The following ADH1B variants were observed in gnomAD, a reference collection of about 807,000 sequenced individuals.
ADH1B encodes alcohol dehydrogenase 1B (class I), beta polypeptide.
Under a neutral mutation model 34.6 loss-of-function variants are expected in ADH1B, and 29 were observed. That is an observed-to-expected ratio of 0.84 (90% confidence interval 0.62 to 1.14). The LOEUF is 1.14. Ranked by LOEUF, ADH1B falls within the 50% of genes most tolerant of loss-of-function variation. ADH1B has a pLI of 0.00. For synonymous variants in ADH1B, 170 were observed against 175.5 expected, an observed-to-expected ratio of 0.97 and a Z score of 0.25; for missense variants, 424 against 468.4, an observed-to-expected ratio of 0.91 and a Z score of 0.87.
chr4:99,317,821 A>G, intron 3 of ADH1B: 2 of 608,954 alleles, frequency 3.3e-6, no homozygotes, highest in East Asian at 3.2e-5. Flanking sequence ...CCTGGCTTCT[A>G]GTAGATACTC....
In ADH1B at chr4:99,313,997, C is replaced by G. The variant is rs367812131; in HGVS notation, c.652G>C (p.Ala218Pro). 1.2e-6 allele frequency: 2 copies of G among 1,614,108 alleles called. No individual in the cohort carries two copies. Among genetic ancestry groups the G allele is most frequent in the Non-Finnish European group, 1.7e-6 (2 of 1,180,042 alleles). Residue 218 changes from alanine to proline, a missense_variant, in exon 6 of 9, where the codon GCC becomes CCC. Physicochemically the swap from Ala to Pro is conservative, Grantham distance 27. Around this residue, in one of 3 missense-constraint regions of ADH1B, gnomAD observed 291 missense variants for 300.4 expected, o/e 0.97. Transcript: ENST00000305046. ...AVMGCKAAGAARIIAVDINKD... is the reference protein window; with the variant it reads ...AVMGCKAAGAPRIIAVDINKD... Reference sequence around the variant, plus strand: ...TTGATGTCCACCGCAATGATTCTGGCTGCTCCAGCTGCTTTACAGCCCATA... The same window carrying G: ...TTGATGTCCACCGCAATGATTCTGGGTGCTCCAGCTGCTTTACAGCCCATA...
rs1679460995 is a variant in ADH1B, at chr4:99,305,071, C to T, written c.*2769G>A. ...TTTAGTTTCCTCTTCCACGAATTTC[C>T]ATCATTGTTCATTTTCCTCTTTGGT... On this transcript the variant is annotated 3_prime_UTR_variant, in exon 9 of 9. Coordinates refer to ENST00000305046, the MANE Select transcript of ADH1B (RefSeq NM_000668.6). 1 of 151,868 alleles carries T rather than the reference C, an allele frequency of 6.6e-6. No homozygotes were observed. The highest frequency in any genetic ancestry group is 2.4e-5 in the African/African-American group (1 of 41,350). The allele number at this position is 151,868 out of a possible 1,614,324, so 9.4% of individuals were successfully genotyped here.
At position 99,320,677 on chromosome 4, in the gene ADH1B, A is replaced by G. The variant is rs563486452; in HGVS notation, c.18+637T>C. 1.3e-3 allele frequency: 570 copies of G among 446,226 alleles called. 1 individual carries two copies. Among genetic ancestry groups the G allele is most frequent in the Admixed American group, 2.2e-3 (40 of 18,410 alleles). The allele number at this position is 446,226 out of a possible 1,614,324, so 27.6% of individuals were successfully genotyped here. A position where few individuals can be genotyped will look rare whatever the true frequency, so the allele number is the denominator to read the frequency against. On this transcript the variant is annotated intron_variant, in intron 1 of 8. Coordinates refer to ENST00000305046, the MANE Select transcript of ADH1B (RefSeq NM_000668.6). ...TGTATCATTGATTTTCTGTAAAACC[A>G]TATTAACTTTTAAATGGGGAAGATA...
chr4:99,319,740 G>A (rs948812100), intron 1 of ADH1B: 2 of 152,112 alleles, frequency 1.3e-5, no homozygotes, highest in East Asian at 1.9e-4. Context: ...ACCCATCTTC[G>A]TTGTGGTAAA....
chr4:99,306,635 G>A lies in ADH1B; in HGVS notation c.*1205C>T, dbSNP rs1733616819. 6.6e-6 allele frequency: 1 copy of A among 151,964 alleles called. No individual in the cohort carries two copies. Among genetic ancestry groups the A allele is most frequent in the South Asian group, 2.1e-4 (1 of 4,822 alleles). 9.4% of individuals were successfully genotyped at this position (151,964 alleles called of 1,614,324 possible). ...ATAATCTTTGCATGTCACATTTAGA[G>A]ATAAAGCTCAAAATGCAAATCCTTC... On this transcript the variant is annotated 3_prime_UTR_variant, in exon 9 of 9. Transcript: ENST00000305046.
rs1560524832 is a variant in ADH1B, at chr4:99,306,298, GCCACCCC to G, written c.*1535_*1541del. 6.6e-6 allele frequency: 1 copy of G among 151,992 alleles called. No homozygotes were observed. 9.4% of individuals were successfully genotyped at this position (151,992 alleles called of 1,614,324 possible). A position where few individuals can be genotyped will look rare whatever the true frequency, so the allele number is the denominator to read the frequency against. On this transcript the variant is annotated 3_prime_UTR_variant, in exon 9 of 9. Transcript: ENST00000305046. ...TGGGATTACAGGGATAAGCCACTGC[GCCACCCC>G]CCACCCCGCTTTAGCATTTTTGACA...
intron 5 of ADH1B, 131 bp downstream of exon 5, chr4:99,315,767 G>C: frequency 2.7e-6 from 3 of 1,113,684 alleles, no homozygotes; most frequent in Non-Finnish European, 3.9e-6. Context: ...ATTCTTTCTG[G>C]GCCATTTTTC....
intron 6 of ADH1B, chr4:99,313,451 C>A: frequency 1.4e-5 from 3 of 212,516 alleles, no homozygotes; most frequent in Admixed American, 5.4e-5. Context: ...ATTGTTAAAC[C>A]ATTTTTGTTA....
At position 99,311,563 on chromosome 4, in the gene ADH1B, G is replaced by C; in HGVS notation, c.922C>G (p.Leu308Val). The change falls in exon 7 of 9, where the codon CTG becomes GTG. Residue 308 changes from leucine to valine, a missense_variant. Coordinates refer to ENST00000305046, the MANE Select transcript of ADH1B (RefSeq NM_000668.6). ...TTCCAGGTGCGTCCAGTCAGTAGCA[G>C]CATAGGGTTTATTGAGAGGTTCTGG... ...ASQNLSINPM[L>V]LLTGRTWKGA... is the part of the protein sequence containing the mutation. The C allele has an allele frequency of 6.2e-7, 1 of 1,614,072 alleles. No homozygotes were observed.
rs1469413675 is a variant in ADH1B at position 99,306,842 on chromosome 4, T to C, written c.*998A>G. ...AATTTTGCAAAAATATACATTTGTA[T>C]ATGTGTATATATGTATGTGTATATA... On this transcript the variant is annotated 3_prime_UTR_variant, in exon 9 of 9. Transcript: ENST00000305046. 1 of 152,236 alleles carries C rather than the reference T, an allele frequency of 6.6e-6. No individual in the cohort carries two copies. Among genetic ancestry groups the C allele is most frequent in the Non-Finnish European group, 1.5e-5 (1 of 68,036 alleles). 9.4% of individuals were successfully genotyped at this position (152,236 alleles called of 1,614,324 possible).
Position 99,318,814 on chromosome 4 carries a change from G to A in ADH1B, c.91C>T (p.Pro31Ser), listed in dbSNP as rs775325816. The change falls in exon 2 of 9, where the codon CCT becomes TCT. Residue 31 changes from proline to serine, a missense_variant. This residue lies in a region of ADH1B where 291 missense variants were observed against 300.4 expected (regional missense o/e 0.97). Transcript: ENST00000305046. ...ATGCGAACTTCATAAGCCTTAGGAGGTGCAACCTCCACATCCTCAATGGAA... is the reference window on the plus strand; with the variant it reads ...ATGCGAACTTCATAAGCCTTAGGAGATGCAACCTCCACATCCTCAATGGAA... ...PFSIEDVEVA[P>S]PKAYEVRIKM... 1 of 1,613,784 alleles carries A rather than the reference G, an allele frequency of 6.2e-7. No homozygotes were observed.
chr4:99,319,524 A>T (rs535077905), intron 1 of ADH1B: 3 of 158,502 alleles, frequency 1.9e-5, no homozygotes, highest in Non-Finnish European at 4.2e-5. Flanking sequence ...CTTTCAGCTT[A>T]GATTTGAGCC....
rs1271859106 is a variant in ADH1B at position 99,305,551 on chromosome 4, G to C, written c.*2289C>G. 1.3e-5 allele frequency: 1 copy of C among 75,322 alleles called. No individual in the cohort carries two copies. The highest frequency in any genetic ancestry group is 6.5e-5 in the African/African-American group (1 of 15,360). The allele number at this position is 75,322 out of a possible 1,614,324, so 4.7% of individuals were successfully genotyped here. The stretch of plus-strand genomic sequence containing the variant: ...AATCACTTAACTATATGAACCACTT[G>C]CCCCATAGTGTATATATATATATAT... On this transcript the variant is annotated 3_prime_UTR_variant, in exon 9 of 9. Transcript: ENST00000305046.
chr4:99,317,835 A>T, intron 3 of ADH1B: 1 of 699,874 alleles, frequency 1.4e-6, no homozygotes, highest in Non-Finnish European at 2.3e-6. Flanking sequence ...GATACTCGGT[A>T]CATAATGGTT....
chr4:99,311,375 T>A (rs2110631287), intron 7 of ADH1B, 146 bp downstream of exon 7: 1 of 1,041,218 alleles, frequency 9.6e-7, no homozygotes, highest in East Asian at 2.6e-5. Flanking sequence ...AGACTGTAGA[T>A]AGAAAAGGAA....
In ADH1B at chr4:99,316,042, G is replaced by A. The variant is rs372727625; in HGVS notation, c.423C>T (p.Phe141=). The A allele has an allele frequency of 1.1e-5, 17 of 1,614,076 alleles. No individual in the cohort carries two copies. The African/African-American group carries it at 2.1e-4, about 20-fold the overall frequency. The change falls in exon 5 of 9, where the codon TTC becomes TTT. Residue 141 remains phenylalanine (F), a synonymous_variant. Coordinates refer to ENST00000305046, the MANE Select transcript of ADH1B (RefSeq NM_000668.6). ...FTCRGKPIHH[F]LGTSTFSQYT... ...ACTGGGAGAAGGTGCTGGTGCCAAG[G>A]AAGTGGTGAATGGGCTTCCCCCTGC...
At chr4:99,321,077 A>G (rs1429898364) in intron 1 of ADH1B, among the ~76,000 whole-genome samples, 1 of 152,204 alleles carries the variant, frequency 6.6e-6, no homozygotes, top group Non-Finnish European at 1.5e-5. Flanking sequence ...TATTTAATGT[A>G]GGAAATAAAG....
rs764180794 is a variant in ADH1B, at chr4:99,318,192, A to G, written c.121-8T>C. 2 of 1,613,950 alleles carry G rather than the reference A, an allele frequency of 1.2e-6. No homozygotes were observed. Among genetic ancestry groups the G allele is most frequent in the Non-Finnish European group, 1.7e-6 (2 of 1,179,932 alleles). The stretch of plus-strand genomic sequence containing the variant: ...GATTCCTACAGCCACCATCTACAGA[A>G]TAAAGAGAAGCTGTTCAGATTCAGA... On this transcript the variant is annotated splice_polypyrimidine_tract_variant and splice_region_variant and intron_variant, in intron 2 of 8. Transcript: ENST00000305046.
Position 99,318,031 on chromosome 4 carries a change from GTGTGAATCC to G in ADH1B, c.259+6_259+14del. On this transcript the variant is annotated splice_donor_region_variant and intron_variant, in intron 3 of 8. Coordinates refer to ENST00000305046, the MANE Select transcript of ADH1B (RefSeq NM_000668.6). ...ATGGTGAACCACACGTGTTCCCTGAGTGTGAATCCTGTACCTGGTTTGACTGTAGTCACC... is the reference window on the plus strand; with the variant it reads ...ATGGTGAACCACACGTGTTCCCTGAGTGTACCTGGTTTGACTGTAGTCACC... The G allele has an allele frequency of 6.2e-7, 1 of 1,613,594 alleles. No homozygotes were observed. Among genetic ancestry groups the G allele is most frequent in the Non-Finnish European group, 8.5e-7 (1 of 1,179,814 alleles).
Sources: gnomAD v4.1 joint callset for allele counts (sites outside exome capture counted in the v4.1 genomes callset) on GRCh38, gnomAD v4.1.1 for gene constraint, gnomAD v4.1.1 regional missense constraint, MANE v1.5 for transcripts, NCBI Gene and HGNC (gene_info 2026-07-23, HGNC 2026-07-21) for gene names.